MAST4: variants seen among roughly 807,000 people sequenced by gnomAD.
MAST4 encodes microtubule-associated serine/threonine-protein kinase 4.
Under a neutral mutation model 162.7 loss-of-function variants are expected in MAST4, and 89 were observed. The observed-to-expected ratio is 0.55, with a 90% CI of 0.46 to 0.65. The LOEUF is 0.65. Among genes scored for constraint, MAST4 ranks in the 30% least tolerant of loss-of-function variants. The pLI is 0.00. For missense variants in MAST4, 3,153 were observed against 3,374.0 expected (o/e 0.93, Z 1.62); for synonymous variants, 1,479 against 1,361.1 (o/e 1.09, Z -1.91).
At chr5:66,656,980 C>T (rs955314478) in intron 1 of MAST4, among the ~76,000 whole-genome samples, 25 of 152,296 alleles carry the variant, frequency 1.6e-4, no homozygotes, top group African/African-American at 6.0e-4. Context: ...ATATGTCTTA[C>T]TTTGCCCAGT....
At chr5:66,688,775 T>C (rs549027361) in intron 1 of MAST4, among the ~76,000 whole-genome samples, 2 of 152,198 alleles carry the variant, frequency 1.3e-5, no homozygotes, top group African/African-American at 4.8e-5. Context: ...CTTTGTGGAC[T>C]CTTAGGCAAT....
intron 3 of MAST4, among the ~76,000 whole-genome samples, chr5:66,869,335 A>C (rs1224030027): frequency 6.6e-6 from 1 of 152,198 alleles, no homozygotes; most frequent in Non-Finnish European, 1.5e-5. Flanking sequence ...GATTCTATGG[A>C]AATGGGAAGA....
At chr5:66,977,561 A>G (rs546068883) in intron 4 of MAST4, among the ~76,000 whole-genome samples, 8 of 152,200 alleles carry the variant, frequency 5.3e-5, no homozygotes, top group African/African-American at 1.9e-4. Flanking sequence ...CCTATGCATG[A>G]TCTTGTTTAT....
At chr5:66,722,554 G>T (rs991566512) in intron 1 of MAST4, among the ~76,000 whole-genome samples, 2 of 151,864 alleles carry the variant, frequency 1.3e-5, no homozygotes, top group African/African-American at 4.8e-5. Context: ...TCCCAGCAGG[G>T]TAGGGATCTG....
chr5:66,709,283 A>C (rs908017844), intron 1 of MAST4, among the ~76,000 whole-genome samples: 4 of 152,202 alleles, frequency 2.6e-5, no homozygotes, highest in Admixed American at 2.6e-4. Context: ...TATAGGCACC[A>C]GGGAATTTGT....
intron 5 of MAST4, among the ~76,000 whole-genome samples, chr5:67,066,288 T>G (rs998606204): frequency 5.9e-5 from 9 of 151,520 alleles, no homozygotes; most frequent in Admixed American, 5.9e-4. Context: ...TAAAAGAAAA[T>G]AGAAATAAAT....
chr5:66,717,510 A>G (rs891020270), intron 1 of MAST4, among the ~76,000 whole-genome samples: 4 of 152,202 alleles, frequency 2.6e-5, no homozygotes, highest in African/African-American at 9.7e-5. Context: ...ATTTTGACAT[A>G]TGGTTACACC....
rs182774773 is a variant in MAST4 at position 66,965,119 on chromosome 5, T to C, written c.674+65137T>C. On this transcript the variant is annotated intron_variant, in intron 4 of 28. Transcript: ENST00000403625. The stretch of plus-strand genomic sequence containing the variant: ...CTGCTGATGGGATTATACTTATTAT[T>C]GTAAAAGTGACTTTCAACATGAGAG... Among the ~76,000 whole-genome samples the C allele has an allele frequency of 2.2e-3, 333 of 152,188 alleles. 3 individuals carry two copies. The highest frequency in any genetic ancestry group is 7.8e-3 in the African/African-American group (323 of 41,526).
At chr5:66,624,949 T>C (rs1183572869) in intron 1 of MAST4, among the ~76,000 whole-genome samples, 1 of 152,222 alleles carries the variant, frequency 6.6e-6, no homozygotes, top group East Asian at 1.9e-4. Flanking sequence ...TTGGCAATAA[T>C]TTTTTGGATA....
chr5:66,852,098 G>GTA (rs1176918906), intron 3 of MAST4, among the ~76,000 whole-genome samples: 4 of 152,220 alleles, frequency 2.6e-5, no homozygotes, highest in South Asian at 4.1e-4. Flanking sequence ...GATAGACACT[G>GTA]TATATATATA....
chr5:66,877,952 C>T (rs1437680900), intron 3 of MAST4, among the ~76,000 whole-genome samples: 1 of 152,186 alleles, frequency 6.6e-6, no homozygotes. Context: ...ATAGAAAAAG[C>T]CCTCTACCTT....
chr5:66,823,009 G>A (rs1357333007), intron 3 of MAST4, among the ~76,000 whole-genome samples: 1 of 152,108 alleles, frequency 6.6e-6, no homozygotes, highest in Non-Finnish European at 1.5e-5. Flanking sequence ...TCAGATAGAG[G>A]TAACTGGATC....
intron 4 of MAST4, among the ~76,000 whole-genome samples, chr5:67,015,862 A>T (rs1561535333): frequency 6.6e-6 from 1 of 152,214 alleles, no homozygotes; most frequent in African/African-American, 2.4e-5. Flanking sequence ...GATGAGGCTG[A>T]ATCACTCTCT....
At chr5:67,004,203 G>A (rs1437403891) in intron 4 of MAST4, among the ~76,000 whole-genome samples, 1 of 43,936 alleles carries the variant, frequency 2.3e-5, no homozygotes, top group Non-Finnish European at 8.1e-5. Context: ...CTGGGGTCGC[G>A]CCGCGGCCGC....
intron 5 of MAST4, among the ~76,000 whole-genome samples, chr5:67,088,539 G>C (rs1763505857): frequency 6.6e-6 from 1 of 152,166 alleles, no homozygotes; most frequent in Non-Finnish European, 1.5e-5. Context: ...GGAATATGAG[G>C]AGAAGTATAC....
intron 3 of MAST4, among the ~76,000 whole-genome samples, chr5:66,865,427 G>C (rs1178018301): frequency 6.6e-6 from 1 of 151,916 alleles, no homozygotes; most frequent in African/African-American, 2.4e-5. Flanking sequence ...TTTTAATTTA[G>C]CATTTAATAT....
chr5:67,086,709 G>A (rs1378752050), intron 5 of MAST4, among the ~76,000 whole-genome samples: 1 of 152,212 alleles, frequency 6.6e-6, no homozygotes, highest in Non-Finnish European at 1.5e-5. Flanking sequence ...ACTGGCACCA[G>A]TTTTCATTTG....
At chr5:66,693,606 G>A (rs73764848) in intron 1 of MAST4, among the ~76,000 whole-genome samples, 4 of 151,496 alleles carry the variant, frequency 2.6e-5, no homozygotes, top group African/African-American at 9.7e-5. Flanking sequence ...GATGCTATCA[G>A]ATGTCTTAAG....
intron 1 of MAST4, among the ~76,000 whole-genome samples, chr5:66,750,974 G>A (rs1358908875): frequency 6.6e-6 from 1 of 152,310 alleles, no homozygotes; most frequent in Middle Eastern, 3.4e-3. Context: ...GCCTTCTCAA[G>A]TGGGTCCCTG....
Sources: allele counts gnomAD v4.1 joint callset (sites outside exome capture counted in the v4.1 genomes callset), GRCh38; gene constraint gnomAD v4.1.1; transcripts MANE v1.5; gene names NCBI Gene and HGNC (gene_info 2026-07-23, HGNC 2026-07-21).